LDLRAD4: variants seen among roughly 807,000 people sequenced by gnomAD.
LDLRAD4 encodes low density lipoprotein receptor class A domain containing 4, also known as low-density lipoprotein receptor class A domain-containing protein 4.
In LDLRAD4, 5 loss-of-function variants were observed where a neutral mutation model predicts 17.0. The ratio of observed to expected loss-of-function variants is 0.29; its 90% CI spans 0.15 to 0.62. The LOEUF (loss-of-function observed/expected upper bound fraction) is 0.62, where lower values mean the gene tolerates loss of function less well. LDLRAD4 is among the 20% of genes least tolerant of loss of function. The pLI, the probability that LDLRAD4 is intolerant of heterozygous loss-of-function variation, is 0.84. For synonymous variants in LDLRAD4, 168 were observed against 171.8 expected, an observed-to-expected ratio of 0.98 and a Z score of 0.17; for missense variants, 340 against 424.7, an observed-to-expected ratio of 0.80 and a Z score of 1.75.
At chr18:13,484,872 C>T (rs2093181181) in intron 3 of LDLRAD4, among the ~76,000 whole-genome samples, 2 of 152,102 alleles carry the variant, frequency 1.3e-5, no homozygotes, top group Non-Finnish European at 2.9e-5. Context: ...TGCTTAAGCC[C>T]ACCCTTGGAT....
chr18:13,344,513 G>A (rs1170773788), intron 1 of LDLRAD4, among the ~76,000 whole-genome samples: 3 of 152,192 alleles, frequency 2.0e-5, no homozygotes, highest in Non-Finnish European at 4.4e-5. Flanking sequence ...AAGTCAGGTA[G>A]CATGATGCCT....
chr18:13,386,891 CATAGATAGATAGATAG>C (rs71174169), intron 1 of LDLRAD4, among the ~76,000 whole-genome samples: 137 of 146,908 alleles, frequency 9.3e-4, no homozygotes, highest in East Asian at 3.0e-3. Context: ...CCCTGTCATT[CATAGATAGATAGATAG>C]ATAGATAGAT....
At chr18:13,321,861 CAAAA>C (rs57033432) in intron 1 of LDLRAD4, among the ~76,000 whole-genome samples, 16 of 62,136 alleles carry the variant, frequency 2.6e-4, no homozygotes, top group African/African-American at 9.0e-4. Flanking sequence ...GACTCCGTCT[CAAAA>C]AAAAAAAAAA....
At chr18:13,385,559 A>G (rs1289619893) in intron 1 of LDLRAD4, among the ~76,000 whole-genome samples, 1 of 152,240 alleles carries the variant, frequency 6.6e-6, no homozygotes, top group Non-Finnish European at 1.5e-5. Flanking sequence ...ACCTCCCTGC[A>G]GTTTGGTTTT....
chr18:13,483,266 G>C (rs137913285), intron 3 of LDLRAD4, among the ~76,000 whole-genome samples: 1 of 152,120 alleles, frequency 6.6e-6, no homozygotes, highest in Admixed American at 6.5e-5. Flanking sequence ...GCCACAACAC[G>C]GCTCTGTAGT....
intron 1 of LDLRAD4, among the ~76,000 whole-genome samples, chr18:13,305,055 A>G (rs1567987033): frequency 6.6e-6 from 1 of 152,204 alleles, no homozygotes; most frequent in Non-Finnish European, 1.5e-5. Context: ...AGATTTTCAA[A>G]TATTTGAATA....
In LDLRAD4 at chr18:13,573,709, A is replaced by G. The variant is rs189409923; in HGVS notation, c.182-47408A>G. On this transcript the variant is annotated intron_variant, in intron 3 of 5. Coordinates refer to ENST00000359446, the Ensembl canonical transcript of LDLRAD4. ...ATTGGACTAGAATTCATTTGCTGTC[A>G]GATTTGGGGGCAGTGACAGTCTTTT... Among the ~76,000 whole-genome samples, 26 of 152,344 alleles carry G rather than the reference A, an allele frequency of 1.7e-4. No individual in the cohort carries two copies. The East Asian group carries it at 4.8e-3, about 28-fold the overall frequency.
intron 1 of LDLRAD4, among the ~76,000 whole-genome samples, chr18:13,222,216 T>C (rs987719852): frequency 6.6e-6 from 1 of 152,212 alleles, no homozygotes; most frequent in African/African-American, 2.4e-5. Context: ...ACTCATTTAC[T>C]TGGCATCGGA....
At chr18:13,612,528 G>C (rs2039671023) in intron 3 of LDLRAD4, 4 of 1,414,722 alleles carry the variant, frequency 2.8e-6, no homozygotes, top group Admixed American at 2.9e-5. Context: ...GAGAGTGAAC[G>C]AGGCAGACAG....
Position 13,466,403 on chromosome 18 carries a change from G to C in LDLRAD4, c.181+28019G>C, listed in dbSNP as rs533728148. Among the ~76,000 whole-genome samples, 7 of 150,086 alleles carry C rather than the reference G, an allele frequency of 4.7e-5. No individual in the cohort carries two copies. The East Asian group carries it at 1.4e-3, about 30-fold the overall frequency. ...GAGGATCACCTGAGCCTAAGAGGTT[G>C]AGGCTGCAGTGAGCTGTGATCATGC... On this transcript the variant is annotated intron_variant, in intron 3 of 5. Coordinates refer to ENST00000359446, the Ensembl canonical transcript of LDLRAD4.
intron 1 of LDLRAD4, among the ~76,000 whole-genome samples, chr18:13,290,080 A>G (rs1205398322): frequency 2.0e-5 from 3 of 152,212 alleles, no homozygotes; most frequent in Admixed American, 2.0e-4. Flanking sequence ...CAGTCCTCCC[A>G]TCTGAGCACA....
At chr18:13,550,047 G>A (rs1335682172) in intron 3 of LDLRAD4, among the ~76,000 whole-genome samples, 1 of 152,158 alleles carries the variant, frequency 6.6e-6, no homozygotes, top group Admixed American at 6.5e-5. Context: ...TTTCTTTCTT[G>A]GAGCATTGGC....
chr18:13,420,438 C>T (rs1293745639), intron 2 of LDLRAD4: 2 of 152,164 alleles, frequency 1.3e-5, no homozygotes, highest in East Asian at 3.8e-4. Context: ...TAAAAGATGC[C>T]AGCACTAAAT....
At chr18:13,311,733 G>T (rs7231701) in intron 1 of LDLRAD4, among the ~76,000 whole-genome samples, 1 of 151,958 alleles carries the variant, frequency 6.6e-6, no homozygotes, top group African/African-American at 2.4e-5. Flanking sequence ...TTTCCATGCC[G>T]CCTGTGGCTC....
chr18:13,307,154 GA>G (rs2046961212), intron 1 of LDLRAD4, among the ~76,000 whole-genome samples: 2 of 152,016 alleles, frequency 1.3e-5, no homozygotes, highest in African/African-American at 4.8e-5. Flanking sequence ...TTAGATAAAT[GA>G]AAAAGCAAAA....
intron 1 of LDLRAD4, among the ~76,000 whole-genome samples, chr18:13,334,471 T>A (rs1023293400): frequency 6.6e-6 from 1 of 152,196 alleles, no homozygotes; most frequent in Non-Finnish European, 1.5e-5. Context: ...TCTGACCTCA[T>A]GATCTGCCTG....
At chr18:13,417,114 T>C (rs2088970428) in intron 2 of LDLRAD4, among the ~76,000 whole-genome samples, 1 of 152,194 alleles carries the variant, frequency 6.6e-6, no homozygotes, top group Non-Finnish European at 1.5e-5. Flanking sequence ...AAAGCAGTTG[T>C]TACATTAGAA....
chr18:13,285,396 G>C (rs1420538434), intron 1 of LDLRAD4, among the ~76,000 whole-genome samples: 1 of 152,158 alleles, frequency 6.6e-6, no homozygotes, highest in Non-Finnish European at 1.5e-5. Flanking sequence ...AGGGTGACAT[G>C]GACAGGCTTG....
intron 3 of LDLRAD4, among the ~76,000 whole-genome samples, chr18:13,485,386 G>A (rs1015673575): frequency 2.6e-5 from 4 of 152,226 alleles, no homozygotes; most frequent in Admixed American, 6.5e-5. Context: ...GGGAAACTTG[G>A]CCACGTGCCC....
Sources: allele counts gnomAD v4.1 joint callset (sites outside exome capture counted in the v4.1 genomes callset), GRCh38; gene constraint gnomAD v4.1.1; transcripts MANE v1.5; gene names NCBI Gene and HGNC (gene_info 2026-07-23, HGNC 2026-07-21).